Variants in GRIK2 observed in about 807,000 individuals in gnomAD.
GRIK2 encodes the protein glutamate receptor ionotropic, kainate 2.
A neutral mutation model predicts 100.3 loss-of-function variants in GRIK2; 32 were observed. That is an observed-to-expected ratio of 0.32 (90% CI 0.24 to 0.43). The LOEUF is 0.43. GRIK2 is among the 20% of genes least tolerant of loss of function. The pLI, the probability that GRIK2 is intolerant of heterozygous loss-of-function variation, is 1.00. For missense variants in GRIK2, 843 were observed against 1,114.9 expected (o/e 0.76, Z 3.47); for synonymous variants, 417 against 389.4 (o/e 1.07, Z -0.83).
At chr6:102,009,151 T>G (rs1298394835) in intron 14 of GRIK2, among the ~76,000 whole-genome samples, 1 of 152,078 alleles carries the variant, frequency 6.6e-6, no homozygotes, top group Non-Finnish European at 1.5e-5. Flanking sequence ...CTTTATGTTT[T>G]CTGAACACAT....
intron 2 of GRIK2, among the ~76,000 whole-genome samples, chr6:101,619,659 C>T (rs1780053406): frequency 6.6e-6 from 1 of 151,824 alleles, no homozygotes; most frequent in Admixed American, 6.6e-5. Flanking sequence ...CTATAATTTT[C>T]TCTTTATTTC....
chr6:101,668,570 GAA>G (rs5878681), intron 4 of GRIK2, among the ~76,000 whole-genome samples: 10 of 151,550 alleles, frequency 6.6e-5, no homozygotes, highest in East Asian at 5.8e-4. Flanking sequence ...TTTCTCAACT[GAA>G]AAAAAAAAGA....
At chr6:101,704,374 G>A (rs76222991) in intron 7 of GRIK2, among the ~76,000 whole-genome samples, 1 of 151,764 alleles carries the variant, frequency 6.6e-6, no homozygotes, top group South Asian at 2.1e-4. Flanking sequence ...AGGTGGAATA[G>A]GGTCATTTGA....
chr6:101,728,962 ATT>A (rs66534885), intron 7 of GRIK2, among the ~76,000 whole-genome samples: 1 of 151,372 alleles, frequency 6.6e-6, no homozygotes, highest in Admixed American at 6.6e-5. Flanking sequence ...ATTAAAAGCA[ATT>A]TTTTTTTGAC....
At chr6:102,058,405 G>T (rs1033606736) in intron 16 of GRIK2, among the ~76,000 whole-genome samples, 1 of 151,462 alleles carries the variant, frequency 6.6e-6, no homozygotes, top group East Asian at 2.0e-4. Flanking sequence ...TAAGAATGAA[G>T]TTGATTGCAG....
chr6:102,057,025 C>A (rs968882607), intron 16 of GRIK2, among the ~76,000 whole-genome samples: 6 of 151,850 alleles, frequency 4.0e-5, no homozygotes, highest in African/African-American at 1.5e-4. Context: ...ATGTTATAAT[C>A]ATTTTTAAAG....
At chr6:102,068,261 T>C in intron 16 of GRIK2, 86 bp from the exon 17 acceptor site, 2 of 955,070 alleles carry the variant, frequency 2.1e-6, no homozygotes, top group Non-Finnish European at 3.1e-6. Context: ...ATGTGACAAG[T>C]CTGTTGAGGA....
intron 13 of GRIK2, chr6:101,927,480 TA>T (rs1395752491): frequency 2.0e-5 from 3 of 152,472 alleles, no homozygotes; most frequent in African/African-American, 7.2e-5. Flanking sequence ...ACCTTACTTA[TA>T]AAAAAATCAC....
At chr6:101,433,520 C>A (rs1333086591) in intron 2 of GRIK2, among the ~76,000 whole-genome samples, 3 of 152,124 alleles carry the variant, frequency 2.0e-5, no homozygotes, top group African/African-American at 7.2e-5. Flanking sequence ...GGTAGGAGTG[C>A]AATAAATATT....
At chr6:102,028,867 A>C (rs1233333827) in intron 14 of GRIK2, among the ~76,000 whole-genome samples, 1 of 151,160 alleles carries the variant, frequency 6.6e-6, no homozygotes, top group Non-Finnish European at 1.5e-5. Context: ...TCAACTGTGT[A>C]GGAAAGAAAA....
intron 14 of GRIK2, among the ~76,000 whole-genome samples, chr6:101,962,960 A>G (rs1185577290): frequency 1.3e-5 from 2 of 151,470 alleles, no homozygotes; most frequent in Non-Finnish European, 2.9e-5. Flanking sequence ...TGGGTTTTCT[A>G]GATAAAACAG....
At chr6:101,924,024 T>G (rs917531113) in intron 12 of GRIK2, among the ~76,000 whole-genome samples, 2 of 152,026 alleles carry the variant, frequency 1.3e-5, no homozygotes, top group South Asian at 4.1e-4. Context: ...GAAGCGTGTA[T>G]TAGAATGCAG....
chr6:101,684,951 G>A (rs943657422), intron 6 of GRIK2, among the ~76,000 whole-genome samples: 7 of 151,948 alleles, frequency 4.6e-5, no homozygotes, highest in Admixed American at 6.6e-5. Flanking sequence ...GTCCACTTCA[G>A]GGGAGAAAGG....
At chr6:101,981,638 G>C (rs1793720755) in intron 14 of GRIK2, among the ~76,000 whole-genome samples, 1 of 151,832 alleles carries the variant, frequency 6.6e-6, no homozygotes, top group South Asian at 2.1e-4. Context: ...AAAAATGATG[G>C]TTAAATACAA....
rs549300827 is a variant in GRIK2, at chr6:102,042,089, C to T, written c.2311+6523C>T. On this transcript the variant is annotated intron_variant, in intron 15 of 16. Transcript: ENST00000369134. ...TCTACTATATAAAGTTAAGAAAATT[C>T]CTATCATAAGGCATTATCTGAACAA... is the stretch of plus-strand genomic sequence containing the variant. Among the ~76,000 whole-genome samples, 15 of 151,590 alleles carry T rather than the reference C, an allele frequency of 9.9e-5. No homozygotes were observed. The South Asian group carries it at 2.7e-3, about 27-fold the overall frequency.
At chr6:101,535,246 A>T (rs1258090719) in intron 2 of GRIK2, among the ~76,000 whole-genome samples, 1 of 151,784 alleles carries the variant, frequency 6.6e-6, no homozygotes, top group Non-Finnish European at 1.5e-5. Flanking sequence ...TACTGTTGAT[A>T]TCTCTAAATC....
Position 101,803,586 on chromosome 6 carries a change from A to G in GRIK2, c.1203+1148A>G, listed in dbSNP as rs545983508. Among the ~76,000 whole-genome samples, 7 of 151,968 alleles carry G rather than the reference A, an allele frequency of 4.6e-5. No individual in the cohort carries two copies. In the South Asian group the frequency reaches 1.2e-3, roughly 27 times the overall value. The stretch of plus-strand genomic sequence containing the variant: ...ATGAGAAAATTAGTCTGTGTCCAAG[A>G]CTGGAGTTGATAATGGTAGAATTCA... On this transcript the variant is annotated intron_variant, in intron 9 of 16. Transcript: ENST00000369134.
intron 14 of GRIK2, among the ~76,000 whole-genome samples, chr6:101,929,370 ATTT>A (rs1790116161): frequency 6.6e-6 from 1 of 152,156 alleles, no homozygotes; most frequent in African/African-American, 2.4e-5. Context: ...CTTACCAAGT[ATTT>A]TTACAGTTTT....
chr6:102,067,206 A>T (rs1249694652), intron 16 of GRIK2, among the ~76,000 whole-genome samples: 1 of 151,698 alleles, frequency 6.6e-6, no homozygotes, highest in African/African-American at 2.4e-5. Flanking sequence ...GAATGGTTAG[A>T]TATGTCTAAT....
Sources: gnomAD v4.1 joint callset for allele counts (sites outside exome capture counted in the v4.1 genomes callset) on GRCh38, gnomAD v4.1.1 for gene constraint, MANE v1.5 for transcripts, NCBI Gene and HGNC (gene_info 2026-07-23, HGNC 2026-07-21) for gene names.